KIF1B: variants seen among roughly 807,000 people sequenced by gnomAD.
KIF1B encodes kinesin family member 1B.
KIF1B carries 76 observed loss-of-function variants against 241.9 expected under a neutral mutation model. That is an observed-to-expected ratio of 0.31 (90% confidence interval 0.26 to 0.38). KIF1B has a LOEUF of 0.38. Among genes scored for constraint, KIF1B ranks in the 10% least tolerant of loss-of-function variants. The pLI is 1.00. For synonymous variants in KIF1B, 750 were observed against 796.7 expected, an observed-to-expected ratio of 0.94 and a Z score of 0.99; for missense variants, 1,622 against 2,271.4, an observed-to-expected ratio of 0.71 and a Z score of 5.81.
chr1:10,362,858 G>A (rs1354527356), intron 40 of KIF1B, among the ~76,000 whole-genome samples: 1 of 151,960 alleles, frequency 6.6e-6, no homozygotes, highest in Non-Finnish European at 1.5e-5. Flanking sequence ...ATCACTTGAG[G>A]CCAGGAGTTC....
At chr1:10,287,915 T>G (rs1039821047) in intron 15 of KIF1B, among the ~76,000 whole-genome samples, 2 of 152,184 alleles carry the variant, frequency 1.3e-5, no homozygotes, top group Admixed American at 6.5e-5. Context: ...AGTGGTTTAT[T>G]GTGGTTAGTA....
intron 1 of KIF1B, among the ~76,000 whole-genome samples, chr1:10,221,128 C>CG (rs1646840273): frequency 1.7e-5 from 2 of 120,040 alleles, no homozygotes; most frequent in African/African-American, 6.7e-5. Flanking sequence ...CATGGAGTCT[C>CG]GCTCTGTCAC....
chr1:10,366,462 G>T (rs1202730872), intron 43 of KIF1B, among the ~76,000 whole-genome samples: 2 of 151,946 alleles, frequency 1.3e-5, no homozygotes, highest in African/African-American at 4.8e-5. Context: ...TGCGTGATCA[G>T]GAGGGAGGCA....
chr1:10,346,914 A>C (rs1357895557), intron 35 of KIF1B, among the ~76,000 whole-genome samples: 7 of 152,210 alleles, frequency 4.6e-5, no homozygotes, highest in Non-Finnish European at 8.8e-5. Flanking sequence ...ACAAGATGCC[A>C]GTAGCAGCTC....
chr1:10,299,466 G>A (rs1650433704), intron 22 of KIF1B, among the ~76,000 whole-genome samples: 1 of 152,184 alleles, frequency 6.6e-6, no homozygotes, highest in South Asian at 2.1e-4. Context: ...ATATCTACCA[G>A]TAGTAATACT....
At chr1:10,327,177 C>T (rs978608701) in intron 27 of KIF1B, among the ~76,000 whole-genome samples, 1 of 151,894 alleles carries the variant, frequency 6.6e-6, no homozygotes, top group Non-Finnish European at 1.5e-5. Flanking sequence ...TTGAGACCAA[C>T]GTGACCCATG....
chr1:10,295,539 TGCAACAAG>T, intron 18 of KIF1B, 113 bp from the exon 19 acceptor site: 1 of 870,024 alleles, frequency 1.1e-6, no homozygotes. Context: ...AAGCTTCTGA[TGCAACAAG>T]GCAATACCTT....
At chr1:10,220,354 G>C (rs1036371668) in intron 1 of KIF1B, among the ~76,000 whole-genome samples, 3 of 150,376 alleles carry the variant, frequency 2.0e-5, no homozygotes, top group Non-Finnish European at 3.0e-5. Flanking sequence ...CTGGGCAACA[G>C]AGTGAGACCC....
intron 14 of KIF1B, among the ~76,000 whole-genome samples, chr1:10,281,870 A>G (rs1243984098): frequency 2.0e-5 from 3 of 152,252 alleles, no homozygotes; most frequent in Admixed American, 6.5e-5. Context: ...AGCCAGACCA[A>G]TATGGATTAT....
At chr1:10,216,935 C>T (rs1646774620) in intron 1 of KIF1B, among the ~76,000 whole-genome samples, 1 of 140,548 alleles carries the variant, frequency 7.1e-6, no homozygotes, top group Non-Finnish European at 1.5e-5. Flanking sequence ...CTCTTCTTTT[C>T]CCTGCAGTAC....
intron 38 of KIF1B, among the ~76,000 whole-genome samples, chr1:10,357,090 C>T (rs954876123): frequency 3.3e-5 from 5 of 152,074 alleles, no homozygotes; most frequent in African/African-American, 7.2e-5. Context: ...ATATTGCCCA[C>T]GCTGGCCTCA....
chr1:10,258,774 G>A, intron 4 of KIF1B, 102 bp downstream of exon 4: 2 of 1,179,234 alleles, frequency 1.7e-6, no homozygotes, highest in South Asian at 2.6e-5. Context: ...TGCGGGGATT[G>A]TTTTATGTCA....
chr1:10,232,317 A>C lies in KIF1B; in HGVS notation c.-12A>C, dbSNP rs375389280. 1.9e-6 allele frequency: 3 copies of C among 1,564,524 alleles called. No individual in the cohort carries two copies. The African/African-American group carries it at 4.1e-5, about 21-fold the overall frequency. On this transcript the variant is annotated 5_prime_UTR_variant, in exon 2 of 49. Coordinates refer to ENST00000676179, the MANE Select transcript of KIF1B (RefSeq NM_001365951.3). ...TCTGGACTGCATATATATATATAAC[A>C]AGGCCATTAAAATGTCGGGAGCCTC...
At position 10,326,505 on chromosome 1, in the gene KIF1B, A is replaced by G. The variant is rs1028022530; in HGVS notation, c.2924+146A>G. ...AAGTTCTCCAATACTTCAAGCTCTT[A>G]GTCAGTGCTGGTCTGGCTGAGATGG... On this transcript the variant is annotated intron_variant, in intron 27 of 48. Coordinates refer to ENST00000676179, the MANE Select transcript of KIF1B (RefSeq NM_001365951.3). This position sits in a 1 kb window ranked among gnomAD's most constrained non-coding sequence, Gnocchi z 5.2. 4 of 1,097,112 alleles carry G rather than the reference A, an allele frequency of 3.6e-6. No homozygotes were observed. Among genetic ancestry groups the G allele is most frequent in the Non-Finnish European group, 5.5e-6 (4 of 733,868 alleles). 68.0% of individuals were successfully genotyped at this position (1,097,112 alleles called of 1,614,324 possible). A position where few individuals can be genotyped will look rare whatever the true frequency, so the allele number is the denominator to read the frequency against.
At chr1:10,299,070 T>TTA (rs1553165837) in intron 22 of KIF1B, 5 of 128,738 alleles carry the variant, frequency 3.9e-5, no homozygotes, top group Admixed American at 7.9e-5. Flanking sequence ...GTTCCATATT[T>TTA]AAAAAAAAAA....
chr1:10,297,322 T>C, intron 22 of KIF1B, 76 bp downstream of exon 22: 1 of 1,280,334 alleles, frequency 7.8e-7, no homozygotes, highest in Non-Finnish European at 1.1e-6. Context: ...CACAGAGCAG[T>C]ACTCACCCAA....
intron 41 of KIF1B, among the ~76,000 whole-genome samples, chr1:10,364,698 T>C (rs1457521374): frequency 1.3e-5 from 2 of 152,122 alleles, no homozygotes; most frequent in Non-Finnish European, 2.9e-5. Context: ...TGTCTTAGTT[T>C]GCTACGTATA....
At chr1:10,224,506 A>G (rs1425081008) in intron 1 of KIF1B, among the ~76,000 whole-genome samples, 1 of 151,640 alleles carries the variant, frequency 6.6e-6, no homozygotes, top group Non-Finnish European at 1.5e-5. Context: ...GCAGCCTCCA[A>G]CTCCTGGGCT....
At chr1:10,280,393 G>A (rs1367537456) in intron 14 of KIF1B, among the ~76,000 whole-genome samples, 3 of 151,840 alleles carry the variant, frequency 2.0e-5, no homozygotes, top group East Asian at 3.9e-4. Context: ...GCACCACCAC[G>A]CCCAGCTTAT....
Sources: allele counts gnomAD v4.1 joint callset (sites outside exome capture counted in the v4.1 genomes callset), GRCh38; gene constraint gnomAD v4.1.1; non-coding constraint Gnocchi (gnomAD v3.1); transcripts MANE v1.5; gene names NCBI Gene and HGNC (gene_info 2026-07-23, HGNC 2026-07-21).